The following CA10 variants were observed in gnomAD, a reference collection of about 807,000 sequenced individuals.
The protein encoded by CA10 is carbonic anhydrase-related protein 10.
CA10 carries 14 observed loss-of-function variants against 44.2 expected under a neutral mutation model. The ratio of observed to expected loss-of-function variants is 0.32; its 90% CI spans 0.21 to 0.50. The LOEUF (loss-of-function observed/expected upper bound fraction) is 0.50. Among genes scored for constraint, CA10 ranks in the 20% least tolerant of loss-of-function variants. The probability of loss-of-function intolerance (pLI) is 0.99; values close to 1 mark genes in which losing one functional copy is unlikely to be tolerated. For missense variants in CA10, 350 were observed against 409.7 expected (o/e 0.85, Z 1.26); for synonymous variants, 159 against 141.6 (o/e 1.12, Z -0.87).
At chr17:51,735,317 T>C (rs575367724) in intron 4 of CA10, among the ~76,000 whole-genome samples, 2 of 152,258 alleles carry the variant, frequency 1.3e-5, no homozygotes, top group East Asian at 3.9e-4. Flanking sequence ...CTGCCTGTTC[T>C]CACTCATAAG....
chr17:51,671,437 C>G (rs1207103766), intron 4 of CA10, among the ~76,000 whole-genome samples: 2 of 151,858 alleles, frequency 1.3e-5, no homozygotes, highest in African/African-American at 4.8e-5. Context: ...TGGAATCTCG[C>G]TCTGTTGCCC....
chr17:51,937,527 T>G (rs1244923519), intron 2 of CA10, among the ~76,000 whole-genome samples: 1 of 152,130 alleles, frequency 6.6e-6, no homozygotes, highest in Non-Finnish European at 1.5e-5. Flanking sequence ...TAAAGGTAAG[T>G]TCTCCCATTG....
At chr17:51,854,566 A>C (rs1455502684) in intron 3 of CA10, among the ~76,000 whole-genome samples, 1 of 152,122 alleles carries the variant, frequency 6.6e-6, no homozygotes, top group Non-Finnish European at 1.5e-5. Flanking sequence ...GTCACTTCCT[A>C]ATGAAAGCAG....
intron 4 of CA10, among the ~76,000 whole-genome samples, chr17:51,722,370 C>T (rs1916375353): frequency 6.6e-6 from 1 of 152,112 alleles, no homozygotes; most frequent in Admixed American, 6.6e-5. Context: ...CATTAAGGTC[C>T]ATTGCAAATT....
intron 4 of CA10, among the ~76,000 whole-genome samples, chr17:51,736,386 C>T (rs557327881): frequency 1.2e-4 from 19 of 152,140 alleles, no homozygotes; most frequent in Non-Finnish European, 2.6e-4. Flanking sequence ...GCAGCTGTTC[C>T]GGGATGACCA....
chr17:51,892,057 A>G (rs571236463), intron 3 of CA10, among the ~76,000 whole-genome samples: 14 of 152,256 alleles, frequency 9.2e-5, no homozygotes, highest in African/African-American at 2.9e-4. Flanking sequence ...GAGAACTATT[A>G]TGGTTTTTGA....
At chr17:52,143,851 A>C (rs1027132140) in intron 1 of CA10, among the ~76,000 whole-genome samples, 1 of 152,198 alleles carries the variant, frequency 6.6e-6, no homozygotes, top group African/African-American at 2.4e-5. Context: ...AAAAGCTCTA[A>C]AGCAGGCTCC....
At chr17:51,991,971 T>G (rs1484903720) in intron 2 of CA10, among the ~76,000 whole-genome samples, 2 of 152,120 alleles carry the variant, frequency 1.3e-5, no homozygotes. Context: ...AATTGGGCAC[T>G]GTTCCTTTGT....
chr17:51,909,286 C>G (rs1371381809), intron 3 of CA10, among the ~76,000 whole-genome samples: 1 of 152,162 alleles, frequency 6.6e-6, no homozygotes, highest in African/African-American at 2.4e-5. Flanking sequence ...TAGAATTACA[C>G]TGAAGGGGGA....
chr17:51,785,917 T>C (rs995327736), intron 3 of CA10, among the ~76,000 whole-genome samples: 3 of 152,240 alleles, frequency 2.0e-5, no homozygotes, highest in Admixed American at 6.5e-5. Context: ...TGTAACAATA[T>C]GGAGTCTTCC....
intron 2 of CA10, among the ~76,000 whole-genome samples, chr17:52,065,201 C>T (rs774501345): frequency 6.6e-6 from 1 of 152,200 alleles, no homozygotes; most frequent in South Asian, 2.1e-4. Context: ...CTTAGCTTAG[C>T]TTCTCCTAGA....
chr17:51,639,350 C>A (rs1367376720), intron 6 of CA10, among the ~76,000 whole-genome samples: 2 of 152,076 alleles, frequency 1.3e-5, no homozygotes, highest in African/African-American at 2.4e-5. Context: ...GCATTCCAGG[C>A]ATGACTGGAG....
intron 2 of CA10, among the ~76,000 whole-genome samples, chr17:51,963,606 C>T (rs2144055331): frequency 6.6e-6 from 1 of 152,240 alleles, no homozygotes; most frequent in South Asian, 2.1e-4. Flanking sequence ...AGGCTGGGGT[C>T]TATTTTTAGC....
chr17:51,879,441 T>C (rs2143882144), intron 3 of CA10, among the ~76,000 whole-genome samples: 1 of 152,292 alleles, frequency 6.6e-6, no homozygotes, highest in African/African-American at 2.4e-5. Context: ...TTCTACTTCA[T>C]TAAATCTACT....
intron 2 of CA10, among the ~76,000 whole-genome samples, chr17:52,051,867 C>A (rs550214049): frequency 3.3e-5 from 5 of 151,850 alleles, no homozygotes; most frequent in Admixed American, 3.3e-4. Flanking sequence ...AGCAAAGACA[C>A]GGAATCAACC....
intron 3 of CA10, among the ~76,000 whole-genome samples, chr17:51,788,800 T>C (rs565771611): frequency 6.6e-6 from 1 of 152,274 alleles, no homozygotes; most frequent in Non-Finnish European, 1.5e-5. Flanking sequence ...GAATTATCTG[T>C]GATTCTGGGC....
rs1244234492 is a variant in CA10 at position 52,108,192 on chromosome 17, TTTTATA to T, written c.62-35805_62-35800del. ...TTTAATATATTTTTATATATATATT[TTTTATA>T]TATATATATATATATATATATATAT... On this transcript the variant is annotated intron_variant, in intron 1 of 8. Coordinates refer to ENST00000451037, the MANE Select transcript of CA10 (RefSeq NM_020178.5). Among the ~76,000 whole-genome samples, 623 of 113,114 alleles carry T rather than the reference TTTTATA, an allele frequency of 5.5e-3. 7 individuals carry two copies. The highest frequency in any genetic ancestry group is 7.2e-3 in the Non-Finnish European group (345 of 47,722). 74.2% of individuals were successfully genotyped at this position (113,114 alleles called of 152,430 possible). A position where few individuals can be genotyped will look rare whatever the true frequency, so the allele number is the denominator to read the frequency against.
chr17:51,867,189 G>A (rs1375092713), intron 3 of CA10, among the ~76,000 whole-genome samples: 1 of 152,192 alleles, frequency 6.6e-6, no homozygotes, highest in Non-Finnish European at 1.5e-5. Flanking sequence ...GGGCAGTGAT[G>A]CAGAATTGAT....
intron 3 of CA10, among the ~76,000 whole-genome samples, chr17:51,922,583 A>G (rs145663042): frequency 7.0e-4 from 106 of 152,118 alleles, no homozygotes; most frequent in African/African-American, 2.5e-3. Flanking sequence ...CCATTTAACA[A>G]TATTATTTCT....
Sources: gnomAD v4.1 joint callset for allele counts (sites outside exome capture counted in the v4.1 genomes callset) on GRCh38, gnomAD v4.1.1 for gene constraint, MANE v1.5 for transcripts, NCBI Gene and HGNC (gene_info 2026-07-23, HGNC 2026-07-21) for gene names.